The following CYP2C19 variants were observed in gnomAD, a reference collection of about 807,000 sequenced individuals.
The protein encoded by CYP2C19 is cytochrome P450 2C19.
Under a neutral mutation model 40.9 loss-of-function variants are expected in CYP2C19, and 59 were observed. The observed-to-expected ratio is 1.44, with a 90% CI of 1.17 to 1.79. The LOEUF (loss-of-function observed/expected upper bound fraction) is 1.79, where lower values mean the gene tolerates loss of function less well. CYP2C19 is among the 40% of genes most tolerant of loss of function. CYP2C19 has a pLI of 0.00. For missense variants in CYP2C19, 754 were observed against 596.9 expected (o/e 1.26, Z -2.74); for synonymous variants, 253 against 208.7 (o/e 1.21, Z -1.83).
chr10:94,850,193 G>T (rs1415278839), intron 8 of CYP2C19, 135 bp downstream of exon 8: 3 of 1,045,270 alleles, frequency 2.9e-6, no homozygotes, highest in African/African-American at 1.6e-5. Flanking sequence ...CTGAATGCCT[G>T]TGTTTTCTCC....
intron 5 of CYP2C19, among the ~76,000 whole-genome samples, chr10:94,796,652 G>C (rs898294726): frequency 1.3e-5 from 2 of 152,114 alleles, no homozygotes; most frequent in Non-Finnish European, 2.9e-5. Context: ...CCATTAGTTT[G>C]TGTCCTGTTT....
intron 5 of CYP2C19, among the ~76,000 whole-genome samples, chr10:94,808,907 A>G (rs1433772979): frequency 6.6e-6 from 1 of 152,150 alleles, no homozygotes; most frequent in Non-Finnish European, 1.5e-5. Flanking sequence ...GGGAGTGTAG[A>G]TATCTCTTCA....
At chr10:94,835,008 G>A (rs180908039) in intron 6 of CYP2C19, among the ~76,000 whole-genome samples, 21 of 152,180 alleles carry the variant, frequency 1.4e-4, no homozygotes, top group African/African-American at 2.9e-4. Flanking sequence ...AGATTTCCTC[G>A]GGAGAGGTGC....
intron 1 of CYP2C19, among the ~76,000 whole-genome samples, chr10:94,771,047 C>A (rs574336735): frequency 1.6e-4 from 25 of 152,240 alleles, no homozygotes; most frequent in African/African-American, 4.6e-4. Context: ...CAAGTGAGAT[C>A]GAAGGTTTGC....
intron 3 of CYP2C19, among the ~76,000 whole-genome samples, chr10:94,779,389 C>G (rs571993247): frequency 4.1e-4 from 62 of 152,068 alleles, no homozygotes; most frequent in Admixed American, 6.5e-4. Context: ...ATTTATTTAG[C>G]TATTAAATGA....
intron 5 of CYP2C19, among the ~76,000 whole-genome samples, chr10:94,797,486 G>A (rs533515519): frequency 4.6e-5 from 7 of 152,158 alleles, no homozygotes; most frequent in African/African-American, 1.7e-4. Context: ...TTTGGTATCA[G>A]GATGATGCTG....
intron 5 of CYP2C19, among the ~76,000 whole-genome samples, chr10:94,800,612 G>A (rs924231291): frequency 3.9e-5 from 6 of 152,128 alleles, no homozygotes; most frequent in Non-Finnish European, 1.5e-5. Context: ...CTTTTTTTCA[G>A]CTATGCCTTG....
intron 6 of CYP2C19, among the ~76,000 whole-genome samples, chr10:94,840,093 C>G (rs113065192): frequency 6.6e-6 from 1 of 151,876 alleles, no homozygotes; most frequent in Non-Finnish European, 1.5e-5. Context: ...TTGTTTCTAC[C>G]GACTGAATGC....
intron 6 of CYP2C19, among the ~76,000 whole-genome samples, chr10:94,837,952 T>C (rs1383067843): frequency 6.6e-6 from 1 of 152,150 alleles, no homozygotes; most frequent in Non-Finnish European, 1.5e-5. Context: ...TTTTAAAGTG[T>C]CCTTGTAGAC....
intron 3 of CYP2C19, among the ~76,000 whole-genome samples, chr10:94,777,905 G>A (rs116455601): frequency 3.8e-4 from 58 of 152,080 alleles, no homozygotes; most frequent in African/African-American, 1.3e-3. Flanking sequence ...TTTGACTAAG[G>A]TCTAATATCC....
At chr10:94,797,920 G>C (rs1374902794) in intron 5 of CYP2C19, among the ~76,000 whole-genome samples, 1 of 151,694 alleles carries the variant, frequency 6.6e-6, no homozygotes, top group East Asian at 1.9e-4. Flanking sequence ...TATCAGTTTT[G>C]TTGATCTTTT....
In CYP2C19 at chr10:94,820,612, C is replaced by G. The variant is rs767006593; in HGVS notation, c.936C>G (p.Leu312=). The G allele has an allele frequency of 2.5e-6, 4 of 1,614,042 alleles. No individual in the cohort carries two copies. The highest frequency in any genetic ancestry group is 3.4e-6 in the Non-Finnish European group (4 of 1,180,028). Residue 312 remains leucine (L), a synonymous_variant, in exon 6 of 9, where the codon CTC becomes CTG. Transcript: ENST00000371321. ...TSTTLRYALL[L]LLKHPEVTAK... is the part of the protein sequence containing the mutation. ...CAACCCTGAGATATGCTCTCCTTCT[C>G]CTGCTGAAGCACCCAGAGGTCACAG... is the stretch of plus-strand genomic sequence containing the variant.
At chr10:94,810,123 A>G (rs1848891467) in intron 5 of CYP2C19, among the ~76,000 whole-genome samples, 1 of 151,956 alleles carries the variant, frequency 6.6e-6, no homozygotes, top group African/African-American at 2.4e-5. Flanking sequence ...CCTGTGATCC[A>G]CCCACCTCAG....
At chr10:94,847,977 G>A (rs1310475157) in intron 7 of CYP2C19, among the ~76,000 whole-genome samples, 10 of 151,944 alleles carry the variant, frequency 6.6e-5, no homozygotes, top group African/African-American at 2.2e-4. Flanking sequence ...CTGGATATTA[G>A]CCCTTCGTCA....
intron 6 of CYP2C19, among the ~76,000 whole-genome samples, chr10:94,832,647 C>A (rs777121991): frequency 6.6e-6 from 1 of 152,048 alleles, no homozygotes; most frequent in Non-Finnish European, 1.5e-5. Context: ...CAGTACCATG[C>A]TGTTTTTGTT....
At position 94,762,797 on chromosome 10, in the gene CYP2C19, C is replaced by A. The variant is rs1354294789; in HGVS notation, c.92C>A (p.Pro31His). ...AGCTCTGGGAGAGGAAAACTCCCTC[C>A]TGGCCCCACTCCTCTCCCAGTGATT... ...RQSSGRGKLPPGPTPLPVIGN... is the reference protein window; with the variant it reads ...RQSSGRGKLPHGPTPLPVIGN... The change falls in exon 1 of 9, where the codon CCT (proline) becomes CAT (histidine). Residue 31 changes from proline to histidine, a missense_variant. Pro to His is a moderately conservative substitution (Grantham distance 77). Transcript: ENST00000371321. 1 of 1,613,208 alleles carries A rather than the reference C, an allele frequency of 6.2e-7. No individual in the cohort carries two copies. The highest frequency in any genetic ancestry group is 1.3e-5 in the African/African-American group (1 of 74,896).
chr10:94,807,738 G>A lies in CYP2C19; in HGVS notation c.820-12758G>A, dbSNP rs1275271208. ...TACCCATATTTTAATTGTAGTATTTGTTTTTTTGTTTCTGTTGAATTGTTT... is the reference window on the plus strand; with the variant it reads ...TACCCATATTTTAATTGTAGTATTTATTTTTTTGTTTCTGTTGAATTGTTT... On this transcript the variant is annotated intron_variant, in intron 5 of 8. Transcript: ENST00000371321. Among the ~76,000 whole-genome samples the A allele has an allele frequency of 3.9e-5, 6 of 151,984 alleles. No homozygotes were observed. The East Asian group carries it at 1.2e-3, about 29-fold the overall frequency.
intron 6 of CYP2C19, among the ~76,000 whole-genome samples, chr10:94,841,276 C>T (rs917330779): frequency 6.6e-6 from 1 of 152,218 alleles, no homozygotes; most frequent in Non-Finnish European, 1.5e-5. Flanking sequence ...CATGCAGGAA[C>T]AATGGCAAGA....
At chr10:94,818,816 A>G (rs944043097) in intron 5 of CYP2C19, among the ~76,000 whole-genome samples, 4 of 150,988 alleles carry the variant, frequency 2.6e-5, no homozygotes, top group African/African-American at 9.7e-5. Flanking sequence ...TTTCTAGATA[A>G]ACAATCATGT....
Sources: gnomAD v4.1 joint callset for allele counts (sites outside exome capture counted in the v4.1 genomes callset) on GRCh38, gnomAD v4.1.1 for gene constraint, MANE v1.5 for transcripts, NCBI Gene and HGNC (gene_info 2026-07-23, HGNC 2026-07-21) for gene names.